Variants in NTM observed in about 807,000 individuals in gnomAD.
The protein encoded by NTM is neurotrimin.
Under a neutral mutation model 42.1 loss-of-function variants are expected in NTM, and 13 were observed. The observed-to-expected ratio is 0.31, with a 90% CI of 0.20 to 0.49. The LOEUF (loss-of-function observed/expected upper bound fraction) is 0.49. NTM is among the 20% of genes least tolerant of loss of function. The pLI, the probability that NTM is intolerant of heterozygous loss-of-function variation, is 0.99. For synonymous variants in NTM, 187 were observed against 179.2 expected, an observed-to-expected ratio of 1.04 and a Z score of -0.35; for missense variants, 373 against 452.8, an observed-to-expected ratio of 0.82 and a Z score of 1.60.
At chr11:131,480,937 T>G (rs1299712113) in intron 1 of NTM, among the ~76,000 whole-genome samples, 1 of 151,924 alleles carries the variant, frequency 6.6e-6, no homozygotes, top group African/African-American at 2.4e-5. Context: ...AGGAGGGAAT[T>G]GGGTGGGGGT....
intron 1 of NTM, among the ~76,000 whole-genome samples, chr11:131,552,621 C>T (rs2054846794): frequency 6.6e-6 from 1 of 151,938 alleles, no homozygotes; most frequent in African/African-American, 2.4e-5. Context: ...CGAGACCATC[C>T]TGGCTAACAT....
At chr11:132,218,573 C>G (rs2084427179) in intron 4 of NTM, among the ~76,000 whole-genome samples, 1 of 152,160 alleles carries the variant, frequency 6.6e-6, no homozygotes, top group African/African-American at 2.4e-5. Flanking sequence ...CCTAGGGTAT[C>G]TCCTGCACTG....
At chr11:132,029,062 GTT>G (rs56085410) in intron 2 of NTM, among the ~76,000 whole-genome samples, 129,265 of 151,278 alleles carry the variant, frequency 0.85, 55,695 homozygotes, top group East Asian at 1. Flanking sequence ...GTTGGTGTGG[GTT>G]TTTTTTTTTG....
intron 2 of NTM, among the ~76,000 whole-genome samples, chr11:132,042,105 G>T (rs888034877): frequency 6.6e-6 from 1 of 152,138 alleles, no homozygotes; most frequent in African/African-American, 2.4e-5. Context: ...GCAGTAGGTT[G>T]CCACAATGTA....
chr11:131,845,600 G>A (rs2044803681), intron 1 of NTM, among the ~76,000 whole-genome samples: 1 of 151,454 alleles, frequency 6.6e-6, no homozygotes, highest in Admixed American at 6.6e-5. Context: ...AAATACCAGA[G>A]GCGAATCCAT....
intron 1 of NTM, among the ~76,000 whole-genome samples, chr11:131,609,566 A>C (rs1160414098): frequency 6.6e-6 from 1 of 152,292 alleles, no homozygotes; most frequent in East Asian, 1.9e-4. Context: ...TCCCGAGAAG[A>C]TCGAAGACGT....
intron 1 of NTM, among the ~76,000 whole-genome samples, chr11:131,740,256 G>A (rs547545881): frequency 2.0e-5 from 3 of 152,228 alleles, no homozygotes; most frequent in South Asian, 4.2e-4. Context: ...CATGTGCCTC[G>A]ATTTCCACAT....
intron 2 of NTM, among the ~76,000 whole-genome samples, chr11:131,962,096 C>T (rs1161208673): frequency 2.0e-5 from 3 of 152,124 alleles, no homozygotes; most frequent in Admixed American, 6.5e-5. Context: ...TCCCTTCATT[C>T]TGAGCCCCTT....
intron 1 of NTM, among the ~76,000 whole-genome samples, chr11:131,712,342 G>A (rs1210625911): frequency 6.6e-6 from 1 of 152,130 alleles, no homozygotes; most frequent in South Asian, 2.1e-4. Flanking sequence ...TTGTTAAGAG[G>A]AGGAGTGCTG....
chr11:132,299,050 C>T (rs911326578), intron 4 of NTM, among the ~76,000 whole-genome samples: 3 of 152,166 alleles, frequency 2.0e-5, no homozygotes, highest in Non-Finnish European at 4.4e-5. Context: ...AATCCCAGAA[C>T]TTTGGGAGGC....
chr11:131,642,123 G>T (rs76140786), intron 1 of NTM, among the ~76,000 whole-genome samples: 5,746 of 152,264 alleles, frequency 0.038, 206 homozygotes, highest in East Asian at 0.18. Flanking sequence ...TATTGTTTAG[G>T]AGGGCCATTT....
At chr11:132,262,991 T>C (rs1434995454) in intron 4 of NTM, among the ~76,000 whole-genome samples, 2 of 152,102 alleles carry the variant, frequency 1.3e-5, no homozygotes, top group African/African-American at 4.8e-5. Flanking sequence ...GGGGGAGAAA[T>C]TGAAAAGAAA....
rs1359472668 is a variant in NTM at position 132,135,960 on chromosome 11, G to A, written c.168-10322G>A. Among the ~76,000 whole-genome samples the A allele has an allele frequency of 7.2e-5, 11 of 152,158 alleles. 1 individual carries two copies. Among genetic ancestry groups the A allele is most frequent in the East Asian group, 3.9e-4 (2 of 5,172 alleles). ...TGCATCTTGTTCCCCAAGGTGCCAC[G>A]TCACCTAGGTTAACTATCTGGAGAG... On this transcript the variant is annotated intron_variant, in intron 2 of 8. Transcript: ENST00000683400.
intron 2 of NTM, among the ~76,000 whole-genome samples, chr11:131,964,619 G>C (rs999382261): frequency 1.3e-5 from 2 of 152,154 alleles, no homozygotes; most frequent in Admixed American, 6.5e-5. Context: ...GATATGAATA[G>C]CTTCTTTGAT....
intron 1 of NTM, among the ~76,000 whole-genome samples, chr11:131,513,090 C>G (rs2048460481): frequency 6.6e-6 from 1 of 152,202 alleles, no homozygotes; most frequent in African/African-American, 2.4e-5. Context: ...CTCACATTCT[C>G]CAGGAAGGCT....
chr11:131,443,885 A>T (rs528886671), intron 1 of NTM, among the ~76,000 whole-genome samples: 1 of 152,298 alleles, frequency 6.6e-6, no homozygotes, highest in Admixed American at 6.5e-5. Flanking sequence ...GCTTGGAGGA[A>T]GATACCTCCA....
At chr11:131,696,152 C>T (rs936204772) in intron 1 of NTM, among the ~76,000 whole-genome samples, 5 of 152,202 alleles carry the variant, frequency 3.3e-5, no homozygotes, top group African/African-American at 1.2e-4. Flanking sequence ...AAAGAGCTAA[C>T]AGCCTCGGAG....
intron 2 of NTM, among the ~76,000 whole-genome samples, chr11:132,129,236 G>T (rs892358301): frequency 5.3e-5 from 8 of 152,182 alleles, no homozygotes; most frequent in Non-Finnish European, 1.0e-4. Context: ...TTCTGGAAGA[G>T]CAATGTTGTA....
At chr11:131,434,064 T>TG (rs199810708) in intron 1 of NTM, among the ~76,000 whole-genome samples, 1,678 of 152,294 alleles carry the variant, frequency 0.011, 37 homozygotes, top group African/African-American at 0.039. Context: ...TTTCTGTCCT[T>TG]GTGATAGTTT....
Sources: allele counts gnomAD v4.1 joint callset (sites outside exome capture counted in the v4.1 genomes callset), GRCh38; gene constraint gnomAD v4.1.1; transcripts MANE v1.5; gene names NCBI Gene and HGNC (gene_info 2026-07-23, HGNC 2026-07-21).